Variants in CNTN5 observed in about 807,000 individuals in gnomAD.
The protein encoded by CNTN5 is contactin-5.
CNTN5 carries 77 observed loss-of-function variants against 129.1 expected under a neutral mutation model. That is an observed-to-expected ratio of 0.60 (90% confidence interval 0.50 to 0.72). CNTN5 has a LOEUF of 0.72. CNTN5 is among the 30% of genes least tolerant of loss of function. The pLI is 0.00. For synonymous variants in CNTN5, 509 were observed against 465.6 expected (o/e 1.09, Z -1.20); for missense variants, 1,478 against 1,328.8 (o/e 1.11, Z -1.75).
chr11:99,822,212 A>G (rs1413656069), intron 4 of CNTN5, among the ~76,000 whole-genome samples: 1 of 152,190 alleles, frequency 6.6e-6, no homozygotes, highest in Non-Finnish European at 1.5e-5. Flanking sequence ...TGAAAAATAT[A>G]AAGACTCAGC....
At chr11:100,130,684 G>A (rs886517405) in intron 13 of CNTN5, among the ~76,000 whole-genome samples, 1 of 151,968 alleles carries the variant, frequency 6.6e-6, no homozygotes. Flanking sequence ...TTGCTCAGGA[G>A]GCATGCTATT....
chr11:99,819,377 AT>A (rs1591249472), intron 3 of CNTN5, among the ~76,000 whole-genome samples, 166 bp from the exon 4 acceptor site: 1 of 68,128 alleles, frequency 1.5e-5, no homozygotes, highest in East Asian at 4.9e-4. Flanking sequence ...TTCAGAAAAT[AT>A]TAAAAAATAT....
intron 1 of CNTN5, among the ~76,000 whole-genome samples, chr11:99,297,510 T>A (rs1864443588): frequency 6.6e-6 from 1 of 152,164 alleles, no homozygotes; most frequent in African/African-American, 2.4e-5. Context: ...CAAGAGGGAC[T>A]TTTACCAAGA....
chr11:99,844,060 T>G (rs868045372), intron 4 of CNTN5, among the ~76,000 whole-genome samples: 11 of 152,210 alleles, frequency 7.2e-5, no homozygotes, highest in Middle Eastern at 3.2e-3. Context: ...AGTTTCACTT[T>G]CTTCATGAAA....
chr11:100,123,801 T>C (rs1372348664), intron 13 of CNTN5, among the ~76,000 whole-genome samples: 1 of 152,052 alleles, frequency 6.6e-6, no homozygotes, highest in Non-Finnish European at 1.5e-5. Context: ...AAAATATTAC[T>C]ATAAAATTGA....
intron 4 of CNTN5, among the ~76,000 whole-genome samples, chr11:99,842,226 T>C (rs1319695683): frequency 1.3e-5 from 2 of 152,168 alleles, no homozygotes; most frequent in African/African-American, 4.8e-5. Flanking sequence ...AATTGTTTTC[T>C]GTCTCAGTTT....
At chr11:99,578,403 C>T (rs542414699) in intron 3 of CNTN5, among the ~76,000 whole-genome samples, 235 of 145,774 alleles carry the variant, frequency 1.6e-3, no homozygotes, top group African/African-American at 5.7e-3. Flanking sequence ...GGAATCGCCA[C>T]AATGACTTCC....
intron 9 of CNTN5, among the ~76,000 whole-genome samples, chr11:100,004,300 T>A (rs936435452): frequency 6.6e-6 from 1 of 151,928 alleles, no homozygotes; most frequent in Non-Finnish European, 1.5e-5. Context: ...ATGTCAAACT[T>A]TTTTTTTGTC....
At chr11:99,230,896 C>T (rs11828391) in intron 1 of CNTN5, among the ~76,000 whole-genome samples, 2 of 152,080 alleles carry the variant, frequency 1.3e-5, no homozygotes, top group South Asian at 2.1e-4. Context: ...TAAGTGAAAA[C>T]GTGTGGTGTT....
At chr11:99,880,480 CT>C (rs1221750372) in intron 6 of CNTN5, among the ~76,000 whole-genome samples, 1 of 152,074 alleles carries the variant, frequency 6.6e-6, no homozygotes, top group East Asian at 1.9e-4. Flanking sequence ...AGGACTGGCA[CT>C]GTAAATGACC....
At chr11:100,049,273 G>T (rs1942839534) in intron 9 of CNTN5, among the ~76,000 whole-genome samples, 1 of 151,982 alleles carries the variant, frequency 6.6e-6, no homozygotes, top group East Asian at 1.9e-4. Flanking sequence ...TAATGTGTAT[G>T]AAAAGAATGG....
intron 3 of CNTN5, among the ~76,000 whole-genome samples, chr11:99,817,602 T>C (rs1946632546): frequency 6.8e-6 from 1 of 145,986 alleles, no homozygotes; most frequent in Non-Finnish European, 1.5e-5. Flanking sequence ...GATAGTTTTT[T>C]TTTTTTTTTT....
At chr11:99,654,492 G>A (rs1952276116) in intron 3 of CNTN5, among the ~76,000 whole-genome samples, 1 of 151,994 alleles carries the variant, frequency 6.6e-6, no homozygotes, top group Non-Finnish European at 1.5e-5. Context: ...GGTAGTATGG[G>A]ACCAATGGAT....
chr11:99,485,169 C>T (rs946177857), intron 2 of CNTN5, among the ~76,000 whole-genome samples: 1 of 151,604 alleles, frequency 6.6e-6, no homozygotes, highest in Non-Finnish European at 1.5e-5. Context: ...CGCCATTGAC[C>T]CCATAAATAT....
intron 9 of CNTN5, among the ~76,000 whole-genome samples, chr11:100,040,774 C>G (rs917998043): frequency 1.3e-5 from 2 of 152,218 alleles, no homozygotes; most frequent in East Asian, 3.9e-4. Context: ...ACCCTCCTAG[C>G]CAAGTGCGGG....
intron 12 of CNTN5, among the ~76,000 whole-genome samples, chr11:100,072,094 A>C (rs1943944511): frequency 6.6e-6 from 1 of 152,130 alleles, no homozygotes; most frequent in Non-Finnish European, 1.5e-5. Context: ...CGTCTTTGCT[A>C]TAGCACTTAA....
In CNTN5 at chr11:99,463,395, G is replaced by A. The variant is rs191415097; in HGVS notation, c.-70-92750G>A. Among the ~76,000 whole-genome samples, 87 of 132,538 alleles carry A rather than the reference G, an allele frequency of 6.6e-4. 1 individual carries two copies. In the East Asian group the frequency reaches 0.016, roughly 24 times the overall value. The allele number at this position is 132,538 out of a possible 152,430, so 87.0% of individuals were successfully genotyped here. ...GGAGCTTACAGTGAGCCGAGATCGC[G>A]CCACTGCACTCCAACCTGGGCAACA... is the stretch of plus-strand genomic sequence containing the variant. On this transcript the variant is annotated intron_variant, in intron 2 of 24. Coordinates refer to ENST00000524871, the MANE Select transcript of CNTN5 (RefSeq NM_014361.4).
intron 8 of CNTN5, among the ~76,000 whole-genome samples, chr11:99,994,603 T>A (rs1004522725): frequency 4.6e-5 from 7 of 152,166 alleles, no homozygotes; most frequent in African/African-American, 1.7e-4. Context: ...TTAATAAGCA[T>A]CATGATAAAT....
chr11:99,357,958 C>T (rs1352673898), intron 2 of CNTN5, among the ~76,000 whole-genome samples: 7 of 149,894 alleles, frequency 4.7e-5, no homozygotes, highest in Admixed American at 6.7e-5. Flanking sequence ...AAGCCGAGGT[C>T]GCGCCACTGC....
Sources: gnomAD v4.1 joint callset for allele counts (sites outside exome capture counted in the v4.1 genomes callset) on GRCh38, gnomAD v4.1.1 for gene constraint, MANE v1.5 for transcripts, NCBI Gene and HGNC (gene_info 2026-07-23, HGNC 2026-07-21) for gene names.